FBXL17: variants seen among roughly 807,000 people sequenced by gnomAD.
The protein encoded by FBXL17 is F-box and leucine rich repeat protein 17.
FBXL17 carries 22 observed loss-of-function variants against 66.2 expected under a neutral mutation model. The observed-to-expected ratio is 0.33, with a 90% confidence interval of 0.24 to 0.47. The LOEUF is 0.47. Among genes scored for constraint, FBXL17 ranks in the 20% least tolerant of loss-of-function variants. FBXL17 has a pLI of 1.00. For synonymous variants in FBXL17, 474 were observed against 400.5 expected (o/e 1.18, Z -2.19); for missense variants, 878 against 948.2 (o/e 0.93, Z 0.97).
intron 4 of FBXL17, among the ~76,000 whole-genome samples, chr5:108,280,980 A>AAT (rs1757680185): frequency 6.6e-6 from 1 of 151,746 alleles, no homozygotes; most frequent in Admixed American, 6.6e-5. Context: ...AACAATTCTA[A>AAT]ATATATATAT....
At chr5:108,287,683 C>T (rs1292177544) in intron 4 of FBXL17, among the ~76,000 whole-genome samples, 1 of 151,990 alleles carries the variant, frequency 6.6e-6, no homozygotes, top group Non-Finnish European at 1.5e-5. Context: ...TAAATTAGTT[C>T]AGCCATTGGG....
intron 7 of FBXL17, among the ~76,000 whole-genome samples, chr5:107,919,569 G>A (rs1450453515): frequency 1.3e-5 from 2 of 152,098 alleles, no homozygotes; most frequent in South Asian, 2.1e-4. Flanking sequence ...TACTGCTCTC[G>A]CTCTTGCTCA....
At chr5:108,073,133 T>TA (rs2112866717) in intron 6 of FBXL17, among the ~76,000 whole-genome samples, 1 of 152,048 alleles carries the variant, frequency 6.6e-6, no homozygotes, top group Non-Finnish European at 1.5e-5. Context: ...GAGGACAAAA[T>TA]AAAAAATGAA....
rs144597053 is a variant in FBXL17 at position 108,217,335 on chromosome 5, A to C, written c.1614+6786T>G. Among the ~76,000 whole-genome samples, 659 of 152,088 alleles carry C rather than the reference A, an allele frequency of 4.3e-3. 8 individuals are homozygous for C. The highest frequency in any genetic ancestry group is 0.013 in the African/African-American group (519 of 41,484). On this transcript the variant is annotated intron_variant, in intron 5 of 8. Transcript: ENST00000542267. ...CTCCCAGCATTATCTCAGACAACAA[A>C]AGTTTGTTTCGATATTATATTGAAA...
intron 6 of FBXL17, among the ~76,000 whole-genome samples, chr5:108,184,583 A>C (rs889142442): frequency 6.6e-6 from 1 of 151,860 alleles, no homozygotes; most frequent in African/African-American, 2.4e-5. Context: ...CTGGGATTAC[A>C]AGTGTGAGCC....
chr5:108,240,448 G>A (rs950578600), intron 4 of FBXL17, among the ~76,000 whole-genome samples: 1 of 152,128 alleles, frequency 6.6e-6, no homozygotes, highest in Non-Finnish European at 1.5e-5. Context: ...TGTGGTAGTG[G>A]TGGCCATGAG....
chr5:108,317,798 A>C (rs1759439705), intron 4 of FBXL17, among the ~76,000 whole-genome samples: 1 of 151,520 alleles, frequency 6.6e-6, no homozygotes, highest in Non-Finnish European at 1.5e-5. Flanking sequence ...GTCAAATGGA[A>C]CAGTATTCTT....
At chr5:108,002,239 G>C (rs1280526232) in intron 7 of FBXL17, among the ~76,000 whole-genome samples, 1 of 141,320 alleles carries the variant, frequency 7.1e-6, no homozygotes, top group Non-Finnish European at 1.5e-5. Flanking sequence ...GGTCAGGCTG[G>C]TCTTGAACTC....
chr5:108,288,292 G>A (rs1757978749), intron 4 of FBXL17, among the ~76,000 whole-genome samples: 2 of 150,578 alleles, frequency 1.3e-5, no homozygotes, highest in Non-Finnish European at 3.0e-5. Flanking sequence ...AAAAGCTGAA[G>A]GTAACATTTA....
chr5:108,094,688 C>A (rs924326511), intron 6 of FBXL17, among the ~76,000 whole-genome samples: 6 of 152,018 alleles, frequency 3.9e-5, no homozygotes, highest in Non-Finnish European at 8.8e-5. Flanking sequence ...AAATAGATTC[C>A]TTTCAAAATC....
chr5:107,917,844 A>T (rs1213745347), intron 7 of FBXL17, among the ~76,000 whole-genome samples: 1 of 152,230 alleles, frequency 6.6e-6, no homozygotes, highest in Non-Finnish European at 1.5e-5. Context: ...AACTAGGAGA[A>T]GAAAAAGGAA....
chr5:108,351,750 A>G (rs1414938539), intron 3 of FBXL17, among the ~76,000 whole-genome samples: 1 of 152,212 alleles, frequency 6.6e-6, no homozygotes, highest in Non-Finnish European at 1.5e-5. Flanking sequence ...AGTGAATAGG[A>G]GGCCCCATGA....
chr5:108,208,932 C>T (rs1310866226), intron 5 of FBXL17, among the ~76,000 whole-genome samples: 2 of 152,144 alleles, frequency 1.3e-5, no homozygotes, highest in Non-Finnish European at 2.9e-5. Context: ...ATTGATTCTT[C>T]CTATCCATGA....
chr5:108,321,477 T>C (rs1188155797), intron 4 of FBXL17, among the ~76,000 whole-genome samples: 4 of 151,884 alleles, frequency 2.6e-5, no homozygotes, highest in African/African-American at 9.7e-5. Context: ...AAATGGCCAC[T>C]GATTTATAGA....
chr5:108,317,504 GA>G (rs1759424492), intron 4 of FBXL17, among the ~76,000 whole-genome samples: 1 of 150,558 alleles, frequency 6.6e-6, no homozygotes, highest in East Asian at 1.9e-4. Context: ...TACATCGACT[GA>G]AAAATTTTTG....
At chr5:107,974,901 G>A (rs1358028480) in intron 7 of FBXL17, among the ~76,000 whole-genome samples, 3 of 152,218 alleles carry the variant, frequency 2.0e-5, no homozygotes, top group African/African-American at 7.2e-5. Flanking sequence ...GTTCAGGAAG[G>A]AGTTAGTGAA....
chr5:108,380,237 T>C (rs969489488), intron 1 of FBXL17, among the ~76,000 whole-genome samples: 1 of 152,182 alleles, frequency 6.6e-6, no homozygotes. Flanking sequence ...ATATATAAAG[T>C]CTGGCGCAGT....
At chr5:108,107,291 C>T (rs955285306) in intron 6 of FBXL17, among the ~76,000 whole-genome samples, 3 of 152,110 alleles carry the variant, frequency 2.0e-5, no homozygotes, top group Non-Finnish European at 2.9e-5. Flanking sequence ...AGGCTGGTCT[C>T]GAACTCCCGA....
intron 6 of FBXL17, among the ~76,000 whole-genome samples, chr5:108,179,045 G>A (rs969421285): frequency 3.3e-5 from 5 of 152,208 alleles, no homozygotes; most frequent in Admixed American, 6.5e-5. Context: ...TAAGTCCACT[G>A]TGACATGACA....
Sources: allele counts gnomAD v4.1 joint callset (sites outside exome capture counted in the v4.1 genomes callset), GRCh38; gene constraint gnomAD v4.1.1; transcripts MANE v1.5; gene names NCBI Gene and HGNC (gene_info 2026-07-23, HGNC 2026-07-21).